Variants in ZNF26 observed in about 807,000 individuals in gnomAD.
The protein encoded by ZNF26 is zinc finger protein 26, also known as epididymis luminal protein 179.
Under a neutral mutation model 54.9 loss-of-function variants are expected in ZNF26, and 32 were observed. The observed-to-expected ratio is 0.58, with a 90% CI of 0.44 to 0.78. The LOEUF (loss-of-function observed/expected upper bound fraction) is 0.78. Among genes scored for constraint, ZNF26 ranks in the 30% least tolerant of loss-of-function variants. ZNF26 has a pLI of 0.00. For synonymous variants in ZNF26, 221 were observed against 209.2 expected (o/e 1.06, Z -0.49); for missense variants, 524 against 634.0 (o/e 0.83, Z 1.86).
chr12:133,005,178 A>G (rs2137247139), intron 1 of ZNF26: 2 of 152,224 alleles, frequency 1.3e-5, no homozygotes, highest in East Asian at 3.9e-4. Context: ...TCTTCTATAA[A>G]CCAGGAAAAT....
In ZNF26 at chr12:133,016,996, C is replaced by G. The variant is rs1041238410; in HGVS notation, c.*5515C>G. 3 of 152,046 alleles carry G rather than the reference C, an allele frequency of 2.0e-5. No individual in the cohort carries two copies. The highest frequency in any genetic ancestry group is 2.9e-5 in the Non-Finnish European group (2 of 68,012). The allele number at this position is 152,046 out of a possible 1,614,324, so 9.4% of individuals were successfully genotyped here. A position where few individuals can be genotyped will look rare whatever the true frequency, so the allele number is the denominator to read the frequency against. On this transcript the variant is annotated 3_prime_UTR_variant, in exon 4 of 4. Transcript: ENST00000328654. ...TCTTCAATGTTCTGAAAGAAAATATCTACCTAGAAGGGTTATTCACAAACC... is the reference window on the plus strand; with the variant it reads ...TCTTCAATGTTCTGAAAGAAAATATGTACCTAGAAGGGTTATTCACAAACC...
chr12:133,011,559 G>A lies in ZNF26; in HGVS notation c.*78G>A. 2 of 1,410,792 alleles carry A rather than the reference G, an allele frequency of 1.4e-6. No homozygotes were observed. Among genetic ancestry groups the A allele is most frequent in the Non-Finnish European group, 1.9e-6 (2 of 1,070,012 alleles). The allele number at this position is 1,410,792 out of a possible 1,614,324, so 87.4% of individuals were successfully genotyped here. A position where few individuals can be genotyped will look rare whatever the true frequency, so the allele number is the denominator to read the frequency against. On this transcript the variant is annotated 3_prime_UTR_variant, in exon 4 of 4. Transcript: ENST00000328654. The stretch of plus-strand genomic sequence containing the variant: ...TATAGACAGGATTTACAAGCAGGAG[G>A]CCCTAAAATTACACTCATGTCAAAA...
In ZNF26 at chr12:133,001,808, C is replaced by T. The variant is rs1443900401; in HGVS notation, c.34-5234C>T. 3.6e-5 allele frequency: 28 copies of T among 784,840 alleles called. No individual in the cohort carries two copies. Among genetic ancestry groups the T allele is most frequent in the East Asian group, 1.9e-4 (3 of 15,650 alleles). The allele number at this position is 784,840 out of a possible 1,614,324, so 48.6% of individuals were successfully genotyped here. On this transcript the variant is annotated intron_variant, in intron 1 of 3. Transcript: ENST00000328654. The surrounding 1 kb of genome is among the most constrained non-coding windows in gnomAD (Gnocchi z 4.7). ...CTCCCCAGCTGCCTTTTGAGAGTCC[C>T]GCGGCAGTCTTTGCCTTCAGAATTT...
rs1491564017 is a variant in ZNF26 at position 133,015,352 on chromosome 12, TCA to T, written c.*3872_*3873del. The stretch of plus-strand genomic sequence containing the variant: ...CTGGGTGACAGAGTGAGACTCTGTC[TCA>T]AAAAAAAAAAAAAAAAGAAAAGAAA... On this transcript the variant is annotated 3_prime_UTR_variant, in exon 4 of 4. Transcript: ENST00000328654. The T allele has an allele frequency of 3.2e-5, 1 of 31,476 alleles. No individual in the cohort carries two copies. Among genetic ancestry groups the T allele is most frequent in the Non-Finnish European group, 5.6e-5 (1 of 17,778 alleles). The allele number at this position is 31,476 out of a possible 1,614,324, so 1.9% of individuals were successfully genotyped here.
intron 1 of ZNF26, 103 bp from the exon 2 acceptor site, chr12:133,006,939 A>G: frequency 7.3e-7 from 1 of 1,361,468 alleles, no homozygotes; most frequent in Non-Finnish European, 1.0e-6. Flanking sequence ...AGCCACAGGA[A>G]ATAGTTGGTA....
intron 1 of ZNF26, among the ~76,000 whole-genome samples, chr12:132,999,769 C>T (rs991833261): frequency 2.6e-5 from 4 of 151,724 alleles, no homozygotes; most frequent in African/African-American, 4.8e-5. Context: ...TCTCAGCTCA[C>T]TACAACCTCC....
At chr12:132,996,959 A>G (rs1258336789) in intron 1 of ZNF26, among the ~76,000 whole-genome samples, 1 of 152,210 alleles carries the variant, frequency 6.6e-6, no homozygotes, top group East Asian at 1.9e-4. Flanking sequence ...TAAGAACAGA[A>G]GCCATGTCTG....
chr12:133,013,203 C>T lies in ZNF26; in HGVS notation c.*1722C>T, dbSNP rs1953519185. On this transcript the variant is annotated 3_prime_UTR_variant, in exon 4 of 4. Coordinates refer to ENST00000328654, the MANE Select transcript of ZNF26 (RefSeq NM_019591.4). ...GATTTTGATCTTGCTGGATCTTAGA[C>T]CATGAGAATGACAGGCCTGAAGCCC... is the stretch of plus-strand genomic sequence containing the variant. The T allele has an allele frequency of 6.6e-6, 1 of 152,200 alleles. No individual in the cohort carries two copies. The allele number at this position is 152,200 out of a possible 1,614,324, so 9.4% of individuals were successfully genotyped here. A position where few individuals can be genotyped will look rare whatever the true frequency, so the allele number is the denominator to read the frequency against.
intron 1 of ZNF26, 33 bp from the exon 2 acceptor site, chr12:133,007,009 G>T: frequency 6.2e-7 from 1 of 1,612,320 alleles, no homozygotes; most frequent in East Asian, 2.2e-5. Flanking sequence ...TAATGTAATT[G>T]CATCCAATTG....
chr12:133,000,336 T>C (rs4423221), intron 1 of ZNF26, among the ~76,000 whole-genome samples: 150,471 of 151,324 alleles, frequency 0.99, 74,815 homozygotes, highest in Non-Finnish European at 1. Flanking sequence ...ACTGCAGCCT[T>C]CACCTCCTGG....
At position 133,010,834 on chromosome 12, in the gene ZNF26, T is replaced by C; in HGVS notation, c.955T>C (p.Cys319Arg). The part of the protein sequence containing the change: ...TGVKPHKCSE[C>R]GKAFRSKSYL... ...AGTGAAACCCCATAAATGCAGTGAA[T>C]GTGGGAAAGCCTTTAGGAGTAAGTC... The change falls in exon 4 of 4, where the codon TGT becomes CGT. Residue 319 changes from cysteine to arginine, a missense_variant. Physicochemically the swap from Cys to Arg is radical, Grantham distance 180 (BLOSUM62 -3). Coordinates refer to ENST00000328654, the MANE Select transcript of ZNF26 (RefSeq NM_019591.4). The C allele has an allele frequency of 6.2e-7, 1 of 1,614,122 alleles. No individual in the cohort carries two copies. The highest frequency in any genetic ancestry group is 1.1e-5 in the South Asian group (1 of 91,090).
In ZNF26 at chr12:133,010,985, C is replaced by T. The variant is rs951014571; in HGVS notation, c.1106C>T (p.Pro369Leu). Residue 369 changes from proline (P) to leucine (L), a missense_variant, in exon 4 of 4, where the codon CCT becomes CTT. By Grantham distance (98) the Pro-to-Leu change is moderately conservative (BLOSUM62 -3). Coordinates refer to ENST00000328654, the MANE Select transcript of ZNF26 (RefSeq NM_019591.4). ...VHQGVHTGNN[P>L]YQCGECGKAF... ...CAGGGAGTTCACACAGGAAATAATC[C>T]TTATCAATGCGGTGAATGTGGGAAA... 2 of 1,614,028 alleles carry T rather than the reference C, an allele frequency of 1.2e-6. No homozygotes were observed. The highest frequency in any genetic ancestry group is 1.7e-6 in the Non-Finnish European group (2 of 1,180,000).
chr12:132,995,778 A>G (rs377426839), intron 1 of ZNF26, among the ~76,000 whole-genome samples: 2,477 of 152,080 alleles, frequency 0.016, 72 homozygotes, highest in African/African-American at 0.056. Context: ...CAGCCTACCC[A>G]GTAGCTGGGA....
intron 1 of ZNF26, among the ~76,000 whole-genome samples, chr12:132,998,950 A>G (rs1953150792): frequency 6.6e-6 from 1 of 152,258 alleles, no homozygotes; most frequent in South Asian, 2.1e-4. Flanking sequence ...CTCACAAAAC[A>G]TACTTTACCC....
chr12:132,988,650 T>C (rs11832440), intron 1 of ZNF26, among the ~76,000 whole-genome samples: 36,391 of 151,994 alleles, frequency 0.24, 4,647 homozygotes, highest in Non-Finnish European at 0.29. Context: ...ATAATCAGTT[T>C]GTCAACATCT....
At chr12:133,007,585 A>ACT in intron 3 of ZNF26, 53 bp downstream of exon 3, 1 of 1,296,636 alleles carries the variant, frequency 7.7e-7, no homozygotes, top group Non-Finnish European at 1.1e-6. Flanking sequence ...GCTGATGAGT[A>ACT]CCTGAGGAGT....
intron 1 of ZNF26, among the ~76,000 whole-genome samples, chr12:132,988,006 T>G (rs1042453402): frequency 2.0e-5 from 3 of 152,238 alleles, no homozygotes; most frequent in Non-Finnish European, 4.4e-5. Flanking sequence ...AGCTTTGTAA[T>G]AAGTCTTTTT....
In ZNF26 at chr12:133,024,352, T is replaced by C. The variant is rs1263351394; in HGVS notation, c.*12871T>C. On this transcript the variant is annotated 3_prime_UTR_variant, in exon 4 of 4. Coordinates refer to ENST00000328654, the MANE Select transcript of ZNF26 (RefSeq NM_019591.4). Reference sequence around the variant, plus strand: ...TTGAAACATGGAGAAAATGAGACTTTTTTATGTAGTGACAGGTGTATCAAC... The same window carrying C: ...TTGAAACATGGAGAAAATGAGACTTCTTTATGTAGTGACAGGTGTATCAAC... 6.6e-6 allele frequency: 1 copy of C among 152,190 alleles called. No individual in the cohort carries two copies. Among genetic ancestry groups the C allele is most frequent in the Admixed American group, 6.5e-5 (1 of 15,284 alleles). The allele number at this position is 152,190 out of a possible 1,614,324, so 9.4% of individuals were successfully genotyped here.
intron 1 of ZNF26, among the ~76,000 whole-genome samples, chr12:133,000,389 CT>C (rs1454162506): frequency 5.4e-5 from 8 of 148,158 alleles, no homozygotes; most frequent in African/African-American, 2.0e-4. Flanking sequence ...GTAGTGGGGA[CT>C]ACAGGCATGC....
Sources: gnomAD v4.1 joint callset for allele counts (sites outside exome capture counted in the v4.1 genomes callset) on GRCh38, gnomAD v4.1.1 for gene constraint, Gnocchi (gnomAD v3.1) non-coding constraint, MANE v1.5 for transcripts, NCBI Gene and HGNC (gene_info 2026-07-23, HGNC 2026-07-21) for gene names.